Variants in KLHL29 observed in about 807,000 individuals in gnomAD.
KLHL29 encodes the protein kelch-like protein 29.
A neutral mutation model predicts 80.4 loss-of-function variants in KLHL29; 21 were observed. The ratio of observed to expected loss-of-function variants is 0.26; its 90% CI spans 0.19 to 0.38. The LOEUF (loss-of-function observed/expected upper bound fraction) is 0.38. Among genes scored for constraint, KLHL29 ranks in the 10% least tolerant of loss-of-function variants. The pLI is 1.00. For synonymous variants in KLHL29, 511 were observed against 526.8 expected, an observed-to-expected ratio of 0.97 and a Z score of 0.41; for missense variants, 867 against 1,223.9, an observed-to-expected ratio of 0.71 and a Z score of 4.35.
At chr2:23,605,736 C>A (rs139413424) in intron 3 of KLHL29, among the ~76,000 whole-genome samples, 1 of 151,302 alleles carries the variant, frequency 6.6e-6, no homozygotes, top group Non-Finnish European at 1.5e-5. Context: ...GCTTAGCACA[C>A]GTGAAATCCT....
chr2:23,420,977 C>T (rs906753327), intron 1 of KLHL29, among the ~76,000 whole-genome samples: 2 of 152,186 alleles, frequency 1.3e-5, no homozygotes, highest in African/African-American at 4.8e-5. Flanking sequence ...GAGACCTGGC[C>T]AGGCGCCAGG....
intron 5 of KLHL29, among the ~76,000 whole-genome samples, chr2:23,656,012 C>T (rs1213712723): frequency 6.6e-6 from 1 of 152,206 alleles, no homozygotes; most frequent in Non-Finnish European, 1.5e-5. Context: ...ACTTGTTTTG[C>T]CCACAGAACA....
In KLHL29 at chr2:23,681,063, C is replaced by A. The variant is rs551314873; in HGVS notation, c.941-3336C>A. On this transcript the variant is annotated intron_variant, in intron 5 of 13. Transcript: ENST00000486442. This position sits in a 1 kb window ranked among gnomAD's most constrained non-coding sequence, Gnocchi z 4.2. Reference sequence around the variant, plus strand: ...GGGGCAGGGAGGAGGGCAGCCTGTGCCCAGCGGGTCCTGGTGTCCCCTTGT... The same window carrying A: ...GGGGCAGGGAGGAGGGCAGCCTGTGACCAGCGGGTCCTGGTGTCCCCTTGT... Among the ~76,000 whole-genome samples the A allele has an allele frequency of 6.6e-6, 1 of 152,336 alleles. No homozygotes were observed. The highest frequency in any genetic ancestry group is 1.9e-4 in the East Asian group (1 of 5,178).
intron 2 of KLHL29, among the ~76,000 whole-genome samples, chr2:23,531,912 C>A (rs1278745247): frequency 1.3e-5 from 2 of 152,180 alleles, no homozygotes; most frequent in Non-Finnish European, 2.9e-5. Context: ...CTCTTTGACA[C>A]CTGGGACCAT....
At chr2:23,618,778 A>G (rs1669088139) in intron 3 of KLHL29, among the ~76,000 whole-genome samples, 1 of 152,204 alleles carries the variant, frequency 6.6e-6, no homozygotes, top group African/African-American at 2.4e-5. Flanking sequence ...GCATCCATTA[A>G]GGCAGGGGTT....
At position 23,485,533 on chromosome 2, in the gene KLHL29, T is replaced by A. The variant is rs1664911765; in HGVS notation, c.-46+9866T>A. On this transcript the variant is annotated intron_variant, in intron 2 of 13. Coordinates refer to ENST00000486442, the MANE Select transcript of KLHL29 (RefSeq NM_052920.2). Reference sequence around the variant, plus strand: ...CTCCTTCCCACTGTTCCAAGCATAGTCCATGGCCCAGGAGGAAGCTAGGCC... The same window carrying A: ...CTCCTTCCCACTGTTCCAAGCATAGACCATGGCCCAGGAGGAAGCTAGGCC... Among the ~76,000 whole-genome samples, 4 of 152,088 alleles carry A rather than the reference T, an allele frequency of 2.6e-5. No individual in the cohort carries two copies. The South Asian group carries it at 6.2e-4, about 24-fold the overall frequency.
chr2:23,504,417 G>A (rs1665537369), intron 2 of KLHL29, among the ~76,000 whole-genome samples: 2 of 152,168 alleles, frequency 1.3e-5, no homozygotes, highest in South Asian at 2.1e-4. Flanking sequence ...TCTACAGGGT[G>A]CCCCACTGCC....
intron 1 of KLHL29, among the ~76,000 whole-genome samples, chr2:23,474,167 CCCT>C (rs1387670478): frequency 1.3e-5 from 2 of 152,152 alleles, no homozygotes; most frequent in Non-Finnish European, 2.9e-5. Context: ...AATATGAGCT[CCCT>C]GAGGGCAGGA....
chr2:23,683,238 A>G (rs1671142046), intron 5 of KLHL29, among the ~76,000 whole-genome samples: 1 of 152,244 alleles, frequency 6.6e-6, no homozygotes, highest in Non-Finnish European at 1.5e-5. Context: ...GCTGGAGAGC[A>G]GGGCTCAGCT....
intron 2 of KLHL29, among the ~76,000 whole-genome samples, chr2:23,531,317 C>T (rs1024922024): frequency 6.6e-6 from 1 of 152,210 alleles, no homozygotes; most frequent in African/African-American, 2.4e-5. Flanking sequence ...AAAAGCAGAC[C>T]ACTGCCAACA....
intron 1 of KLHL29, among the ~76,000 whole-genome samples, chr2:23,407,473 T>C (rs1301242086): frequency 6.6e-6 from 1 of 152,136 alleles, no homozygotes; most frequent in Non-Finnish European, 1.5e-5. Context: ...TCTTTTTTCT[T>C]ATTGATTTTT....
chr2:23,529,177 A>G (rs1034571625), intron 2 of KLHL29, among the ~76,000 whole-genome samples: 14 of 152,216 alleles, frequency 9.2e-5, no homozygotes, highest in Non-Finnish European at 7.3e-5. Flanking sequence ...TGGCACGATC[A>G]TAGCTCACTG....
In KLHL29 at chr2:23,647,390, TC is replaced by T. The variant is rs554254287; in HGVS notation, c.940+4542del. 1.4e-4 allele frequency among the ~76,000 whole-genome samples: 22 copies of T among 152,318 alleles called. No individual in the cohort carries two copies. The highest frequency in any genetic ancestry group is 4.6e-4 in the Admixed American group (7 of 15,308). On this transcript the variant is annotated intron_variant, in intron 5 of 13. Coordinates refer to ENST00000486442, the MANE Select transcript of KLHL29 (RefSeq NM_052920.2). The surrounding 1 kb of genome is among the most constrained non-coding windows in gnomAD (Gnocchi z 4.9). ...AACTGTCTTCCCACAGACCTATTCT[TC>T]CTGTGTCTGTGCCTCAGAAATGCCA...
intron 2 of KLHL29, among the ~76,000 whole-genome samples, chr2:23,548,762 A>G (rs1017944448): frequency 2.0e-5 from 3 of 152,228 alleles, no homozygotes; most frequent in African/African-American, 7.2e-5. Context: ...GTTTAGCATC[A>G]TAGCGTCACC....
intron 3 of KLHL29, among the ~76,000 whole-genome samples, chr2:23,591,083 G>A (rs1373829197): frequency 6.6e-6 from 1 of 152,212 alleles, no homozygotes; most frequent in African/African-American, 2.4e-5. Context: ...AGGCCGGAAG[G>A]TGGGGAGCGC....
In KLHL29 at chr2:23,452,912, C is replaced by CCA. The variant is rs1553325471; in HGVS notation, c.-153-22633_-153-22632dup. Among the ~76,000 whole-genome samples the CCA allele has an allele frequency of 4.8e-3, 721 of 150,232 alleles. 3 individuals carry two copies. The highest frequency in any genetic ancestry group is 6.1e-3 in the Admixed American group (92 of 15,150). ...CTCTGAAGACTGGTCACCCCCCCGC[C>CCA]CACACACACACACACATCCCCCAGC... is the stretch of plus-strand genomic sequence containing the variant. On this transcript the variant is annotated intron_variant, in intron 1 of 13. Transcript: ENST00000486442.
chr2:23,438,505 G>A lies in KLHL29; in HGVS notation c.-153-37055G>A, dbSNP rs532230941. The stretch of plus-strand genomic sequence containing the variant: ...GTCCCATCAATACCTAATTTATTGA[G>A]AGTTTTTAGCATGAAGGGTTGTTGA... On this transcript the variant is annotated intron_variant, in intron 1 of 13. Coordinates refer to ENST00000486442, the MANE Select transcript of KLHL29 (RefSeq NM_052920.2). Among the ~76,000 whole-genome samples the A allele has an allele frequency of 8.5e-3, 1,235 of 144,528 alleles. 43 individuals are homozygous for A. The highest frequency in any genetic ancestry group is 0.032 in the African/African-American group (1,193 of 37,048). The allele number at this position is 144,528 out of a possible 152,430, so 94.8% of individuals were successfully genotyped here. A position where few individuals can be genotyped will look rare whatever the true frequency, so the allele number is the denominator to read the frequency against.
rs776657906 is a variant in KLHL29 at position 23,562,115 on chromosome 2, G to T, written c.-45-37G>T. 18 of 1,511,936 alleles carry T rather than the reference G, an allele frequency of 1.2e-5. No individual in the cohort carries two copies. Among genetic ancestry groups the T allele is most frequent in the Non-Finnish European group, 1.3e-5 (15 of 1,121,580 alleles). The allele number at this position is 1,511,936 out of a possible 1,614,324, so 93.7% of individuals were successfully genotyped here. A position where few individuals can be genotyped will look rare whatever the true frequency, so the allele number is the denominator to read the frequency against. ...CTGTCAGTTGTCGCTGCCTGCTCCA[G>T]TCCTAAATCACCCTTCTCTCCACCC... On this transcript the variant is annotated intron_variant, in intron 2 of 13. Coordinates refer to ENST00000486442, the MANE Select transcript of KLHL29 (RefSeq NM_052920.2). This position sits in a 1 kb window ranked among gnomAD's most constrained non-coding sequence, Gnocchi z 4.5.
intron 3 of KLHL29, chr2:23,617,136 A>G (rs990578223): frequency 6.6e-6 from 1 of 152,222 alleles, no homozygotes; most frequent in Non-Finnish European, 1.5e-5. Context: ...GATTACCCAT[A>G]ACATTAACCT....
Sources: allele counts gnomAD v4.1 joint callset (sites outside exome capture counted in the v4.1 genomes callset), GRCh38; gene constraint gnomAD v4.1.1; non-coding constraint Gnocchi (gnomAD v3.1); transcripts MANE v1.5; gene names NCBI Gene and HGNC (gene_info 2026-07-23, HGNC 2026-07-21).